Variants in ERC2 observed in about 807,000 individuals in gnomAD.
ERC2 encodes the protein ERC protein 2.
Under a neutral mutation model 114.8 loss-of-function variants are expected in ERC2, and 42 were observed. The observed-to-expected ratio is 0.37, with a 90% CI of 0.29 to 0.47. The LOEUF is 0.47. ERC2 is among the 20% of genes least tolerant of loss of function. The pLI is 0.99. For synonymous variants in ERC2, 454 were observed against 425.5 expected (o/e 1.07, Z -0.82); for missense variants, 939 against 1,150.7 (o/e 0.82, Z 2.66).
At chr3:55,959,598 G>A (rs974384118) in intron 12 of ERC2, among the ~76,000 whole-genome samples, 3 of 152,224 alleles carry the variant, frequency 2.0e-5, no homozygotes, top group South Asian at 2.1e-4. Flanking sequence ...TCTTCCTTGC[G>A]AGCAGACCAC....
intron 9 of ERC2, among the ~76,000 whole-genome samples, chr3:56,008,053 G>C (rs549252645): frequency 5.3e-5 from 8 of 152,180 alleles, no homozygotes; most frequent in African/African-American, 1.9e-4. Context: ...ACATAACTTT[G>C]CAACCTAAAA....
At chr3:55,536,308 C>T (rs1045623118) in intron 17 of ERC2, among the ~76,000 whole-genome samples, 4 of 152,152 alleles carry the variant, frequency 2.6e-5, no homozygotes, top group African/African-American at 9.7e-5. Context: ...TCCCTGAGCC[C>T]TGGTCTGAGT....
At chr3:56,325,600 G>A (rs1009269742) in intron 2 of ERC2, among the ~76,000 whole-genome samples, 1 of 152,056 alleles carries the variant, frequency 6.6e-6, no homozygotes, top group Non-Finnish European at 1.5e-5. Context: ...CTACATCAGT[G>A]GTTCATGAAA....
chr3:56,140,071 G>A (rs2080762090), intron 5 of ERC2, among the ~76,000 whole-genome samples: 1 of 152,152 alleles, frequency 6.6e-6, no homozygotes, highest in African/African-American at 2.4e-5. Flanking sequence ...ACTCCACAGT[G>A]CAAATAATCA....
rs2083026304 is a variant in ERC2, at chr3:56,177,209, A to G, written c.1075-3689T>C. On this transcript the variant is annotated intron_variant, in intron 3 of 17. Coordinates refer to ENST00000288221, the MANE Select transcript of ERC2 (RefSeq NM_015576.3). ...TGGCTACAAGGCAAATTAATACCTT[A>G]TTAGTCCTGTATTGTTTGTTGCTTT... is the stretch of plus-strand genomic sequence containing the variant. 2.0e-5 allele frequency among the ~76,000 whole-genome samples: 3 copies of G among 152,212 alleles called. No homozygotes were observed. In the South Asian group the frequency reaches 6.2e-4, roughly 31 times the overall value.
chr3:55,665,068 T>G (rs2061306082), intron 17 of ERC2, among the ~76,000 whole-genome samples: 2 of 152,290 alleles, frequency 1.3e-5, no homozygotes, highest in South Asian at 4.1e-4. Context: ...CAGAATAATT[T>G]TGGGAAGAGG....
At chr3:56,259,226 C>T (rs539186635) in intron 3 of ERC2, among the ~76,000 whole-genome samples, 1 of 152,220 alleles carries the variant, frequency 6.6e-6, no homozygotes, top group African/African-American at 2.4e-5. Context: ...CCCACCGCAG[C>T]CTCCCAAAGC....
intron 7 of ERC2, among the ~76,000 whole-genome samples, chr3:56,020,049 T>C (rs13061634): frequency 0.3 from 44,938 of 152,038 alleles, 6,815 homozygotes; most frequent in Admixed American, 0.35. Flanking sequence ...GTATCTGGAA[T>C]GGTAATCCAA....
intron 3 of ERC2, among the ~76,000 whole-genome samples, chr3:56,294,725 G>A (rs1367079148): frequency 2.0e-5 from 3 of 152,282 alleles, no homozygotes; most frequent in Admixed American, 2.0e-4. Context: ...ACTCGAAGAG[G>A]ATTATATAAT....
chr3:55,632,476 A>C (rs2059796169), intron 17 of ERC2, among the ~76,000 whole-genome samples: 1 of 152,192 alleles, frequency 6.6e-6, no homozygotes, highest in Admixed American at 6.5e-5. Flanking sequence ...GATGGAGACA[A>C]GGAGGCAAGG....
chr3:56,251,593 C>T (rs935391108), intron 3 of ERC2, among the ~76,000 whole-genome samples: 1 of 152,128 alleles, frequency 6.6e-6, no homozygotes, highest in African/African-American at 2.4e-5. Context: ...ATTTGGATGG[C>T]ATATTTAAAA....
At chr3:56,207,328 C>G (rs1390443269) in intron 3 of ERC2, among the ~76,000 whole-genome samples, 1 of 151,742 alleles carries the variant, frequency 6.6e-6, no homozygotes, top group African/African-American at 2.4e-5. Context: ...ATCATAATGC[C>G]CTTACCCACA....
At chr3:55,745,453 G>A (rs1462728088) in intron 14 of ERC2, among the ~76,000 whole-genome samples, 1 of 152,228 alleles carries the variant, frequency 6.6e-6, no homozygotes, top group Non-Finnish European at 1.5e-5. Flanking sequence ...CTAGGAAGCA[G>A]GGAGGGTGAG....
At chr3:56,205,428 A>G (rs1465847368) in intron 3 of ERC2, among the ~76,000 whole-genome samples, 1 of 152,032 alleles carries the variant, frequency 6.6e-6, no homozygotes, top group Admixed American at 6.6e-5. Flanking sequence ...TCTGAGCAGG[A>G]CCCCAATTAC....
At chr3:55,730,790 G>T (rs957793838) in intron 15 of ERC2, among the ~76,000 whole-genome samples, 1 of 152,174 alleles carries the variant, frequency 6.6e-6, no homozygotes, top group Non-Finnish European at 1.5e-5. Flanking sequence ...GGTAGTGGCC[G>T]AAGTGAGCTG....
chr3:56,008,995 A>G (rs1166378185), intron 9 of ERC2, among the ~76,000 whole-genome samples: 3 of 152,194 alleles, frequency 2.0e-5, no homozygotes, highest in Non-Finnish European at 2.9e-5. Context: ...TTCTTGCAGA[A>G]CCCTGACTGA....
At chr3:55,902,875 G>C (rs1301170169) in intron 13 of ERC2, among the ~76,000 whole-genome samples, 3 of 152,300 alleles carry the variant, frequency 2.0e-5, no homozygotes, top group Admixed American at 2.0e-4. Flanking sequence ...GGCGGAGAGT[G>C]GGCGGATGGC....
chr3:55,752,258 G>A (rs1383497247), intron 14 of ERC2, among the ~76,000 whole-genome samples: 1 of 152,146 alleles, frequency 6.6e-6, no homozygotes. Context: ...ATCCTAATTG[G>A]CAGCTCTCTA....
In ERC2 at chr3:55,523,528, G is replaced by C. The variant is rs1470825416; in HGVS notation, c.*40-12252C>G. On this transcript the variant is annotated intron_variant, in intron 17 of 17. Transcript: ENST00000288221. ...GGGAGCCTTCCTGACTTCCCTTCCTGGTCCAATCCTCTTGCCAAACACCGT... is the reference window on the plus strand; with the variant it reads ...GGGAGCCTTCCTGACTTCCCTTCCTCGTCCAATCCTCTTGCCAAACACCGT... 2.6e-5 allele frequency among the ~76,000 whole-genome samples: 4 copies of C among 152,114 alleles called. No individual in the cohort carries two copies. The East Asian group carries it at 5.8e-4, about 22-fold the overall frequency.
Sources: allele counts gnomAD v4.1 joint callset (sites outside exome capture counted in the v4.1 genomes callset), GRCh38; gene constraint gnomAD v4.1.1; transcripts MANE v1.5; gene names NCBI Gene and HGNC (gene_info 2026-07-23, HGNC 2026-07-21).